Variants in NRAP observed in about 807,000 individuals in gnomAD.
NRAP encodes nebulin related anchoring protein.
NRAP carries 189 observed loss-of-function variants against 225.9 expected under a neutral mutation model. The ratio of observed to expected loss-of-function variants is 0.84; its 90% CI spans 0.74 to 0.94. NRAP has a LOEUF of 0.94. NRAP is among the 40% of genes least tolerant of loss of function. NRAP has a pLI of 0.00. For missense variants in NRAP, 2,176 were observed against 2,168.7 expected, an observed-to-expected ratio of 1.00 and a Z score of -0.07; for synonymous variants, 769 against 790.7, an observed-to-expected ratio of 0.97 and a Z score of 0.46.
chr10:113,635,263 T>C (rs1227732347), intron 14 of NRAP, among the ~76,000 whole-genome samples: 1 of 151,894 alleles, frequency 6.6e-6, no homozygotes, highest in African/African-American at 2.4e-5. Flanking sequence ...ACTTGGGCAG[T>C]GAAGTAAAGG....
intron 11 of NRAP, among the ~76,000 whole-genome samples, chr10:113,644,020 C>T (rs1195924620): frequency 3.3e-5 from 5 of 151,638 alleles, no homozygotes; most frequent in African/African-American, 7.3e-5. Flanking sequence ...TGGTGGTGGG[C>T]GCCTGTAATC....
rs772549279 is a variant in NRAP, at chr10:113,589,038, C to T, written c.5130G>A (p.Gly1710=). 1 of 1,614,058 alleles carries T rather than the reference C, an allele frequency of 6.2e-7. No homozygotes were observed. Among genetic ancestry groups the T allele is most frequent in the Admixed American group, 1.7e-5 (1 of 60,016 alleles). ...EAVEAGDHQS[G]EVNPDATEIL... ...TCTCAGTGGCATCTGGGTTCACCTC[C>T]CCACTCTGATGATCTCCAGCCTCCA... is the stretch of plus-strand genomic sequence containing the variant. Residue 1710 remains glycine, a synonymous_variant, in exon 42 of 42, where the codon GGG becomes GGA. Transcript: ENST00000359988.
chr10:113,632,004 A>C, intron 16 of NRAP, 40 bp from the exon 17 acceptor site: 1 of 1,237,606 alleles, frequency 8.1e-7, no homozygotes, highest in Non-Finnish European at 1.2e-6. Context: ...GTTGCTACCC[A>C]TATTCCTGCC....
intron 18 of NRAP, among the ~76,000 whole-genome samples, chr10:113,631,090 A>AT (rs1848548647): frequency 6.6e-6 from 1 of 152,310 alleles, no homozygotes; most frequent in East Asian, 1.9e-4. Flanking sequence ...TTTGAATACC[A>AT]TAAGTGTTGT....
intron 9 of NRAP, among the ~76,000 whole-genome samples, chr10:113,647,606 T>TCCCCCAGTGGTACTGC (rs1849625737): frequency 1.5e-5 from 1 of 67,628 alleles, no homozygotes; most frequent in African/African-American, 4.2e-5. Flanking sequence ...AGTGGTACTG[T>TCCCCCAGTGGTACTGC]CTCCCCCGGT....
intron 37 of NRAP, among the ~76,000 whole-genome samples, 177 bp from the exon 38 acceptor site, chr10:113,595,904 T>C (rs1323795826): frequency 1.3e-5 from 2 of 152,180 alleles, no homozygotes; most frequent in Non-Finnish European, 2.9e-5. Flanking sequence ...GAAGATGCCT[T>C]TATAGCCAGG....
chr10:113,650,022 C>A lies in NRAP; in HGVS notation c.888+15G>T. ...CATGGAAAAGAGCAGGTCAGGAGAT[C>A]ATTTTATCACATACCTGGCCATATT... On this transcript the variant is annotated intron_variant, in intron 9 of 41. Coordinates refer to ENST00000359988, the MANE Select transcript of NRAP (RefSeq NM_198060.4). 2.1e-6 allele frequency: 3 copies of A among 1,439,746 alleles called. No homozygotes were observed. Among genetic ancestry groups the A allele is most frequent in the Middle Eastern group, 3.5e-4 (2 of 5,682 alleles). The allele number at this position is 1,439,746 out of a possible 1,614,324, so 89.2% of individuals were successfully genotyped here. A position where few individuals can be genotyped will look rare whatever the true frequency, so the allele number is the denominator to read the frequency against.
In NRAP at chr10:113,597,161, G is replaced by C. The variant is rs769689103; in HGVS notation, c.4356C>G (p.Asp1452Glu). The C allele has an allele frequency of 6.2e-7, 1 of 1,612,310 alleles. No homozygotes were observed. Among genetic ancestry groups the C allele is most frequent in the African/African-American group, 1.3e-5 (1 of 74,888 alleles). The change falls in exon 37 of 42, where the codon GAC (aspartate) becomes GAG (glutamate). Residue 1452 changes from aspartate (D) to glutamate (E), a missense_variant. By Grantham distance (45) the Asp-to-Glu change is conservative. Around this residue, in one of 3 missense-constraint regions of NRAP, gnomAD observed 445 missense variants for 426.1 expected, o/e 1.04. Transcript: ENST00000359988. ...ISETKYRKKP[D>E]SIKFTTVVDS... is the part of the protein sequence containing the mutation. Reference sequence around the variant, plus strand: ...CAACCACTGTGGTGAACTTGATACTGTCTGGTTTTTTACGGTACTTGGTCT... The same window carrying C: ...CAACCACTGTGGTGAACTTGATACTCTCTGGTTTTTTACGGTACTTGGTCT...
At position 113,652,926 on chromosome 10, in the gene NRAP, GGC is replaced by G; in HGVS notation, c.570+7_570+8del. ...ATAATCAATGGTGAAAAAGCACCCA[GGC>G]ACTCACTTGGCTGGCCAGCTGGTTG... is the stretch of plus-strand genomic sequence containing the variant. On this transcript the variant is annotated splice_region_variant and intron_variant, in intron 6 of 41. Coordinates refer to ENST00000359988, the MANE Select transcript of NRAP (RefSeq NM_198060.4). The G allele has an allele frequency of 6.3e-7, 1 of 1,595,384 alleles. No homozygotes were observed. The highest frequency in any genetic ancestry group is 1.3e-5 in the African/African-American group (1 of 74,496).
chr10:113,657,746 T>C (rs1850395044), intron 3 of NRAP, among the ~76,000 whole-genome samples, 172 bp from the exon 4 acceptor site: 1 of 152,228 alleles, frequency 6.6e-6, no homozygotes, highest in Admixed American at 6.5e-5. Context: ...AATCTGCACC[T>C]CCAACCAGGT....
At chr10:113,639,091 CAAAAAAAAA>C (rs60509891) in intron 14 of NRAP, among the ~76,000 whole-genome samples, 2,693 of 115,792 alleles carry the variant, frequency 0.023, 100 homozygotes, top group African/African-American at 0.087. Context: ...ATGTATATAG[CAAAAAAAAA>C]AAAAAAAAAA....
chr10:113,603,920 C>G (rs1846764221), intron 35 of NRAP, among the ~76,000 whole-genome samples: 1 of 152,152 alleles, frequency 6.6e-6, no homozygotes, highest in Non-Finnish European at 1.5e-5. Flanking sequence ...ACTCACACCT[C>G]CTGCCCCACT....
chr10:113,651,195 G>A (rs1849943438), intron 7 of NRAP, among the ~76,000 whole-genome samples: 1 of 152,038 alleles, frequency 6.6e-6, no homozygotes, highest in South Asian at 2.1e-4. Flanking sequence ...CTTGACCTCA[G>A]GAATTTCTTC....
chr10:113,663,800 TG>T lies in NRAP; in HGVS notation c.72+10del. 2 of 1,603,206 alleles carry T rather than the reference TG, an allele frequency of 1.2e-6. No individual in the cohort carries two copies. The highest frequency in any genetic ancestry group is 1.7e-6 in the Non-Finnish European group (2 of 1,170,308). On this transcript the variant is annotated intron_variant, in intron 1 of 41. Coordinates refer to ENST00000359988, the MANE Select transcript of NRAP (RefSeq NM_198060.4). The stretch of plus-strand genomic sequence containing the variant: ...GTTATTATTCACAAAAGCCAAGAAA[TG>T]TCTACTGACCTGATCTATACAGCTG...
At chr10:113,641,300 A>T in intron 13 of NRAP, 65 bp downstream of exon 13, 1 of 943,136 alleles carries the variant, frequency 1.1e-6, no homozygotes, top group Non-Finnish European at 1.7e-6. Flanking sequence ...TTTAAAAAGA[A>T]TTGGCTGAAT....
Position 113,663,288 on chromosome 10 carries a change from G to A in NRAP, c.167+64C>T, listed in dbSNP as rs1592895289. The A allele has an allele frequency of 4.2e-6, 4 of 953,882 alleles. No individual in the cohort carries two copies. In the East Asian group the frequency reaches 7.2e-5, roughly 17 times the overall value. 59.1% of individuals were successfully genotyped at this position (953,882 alleles called of 1,614,324 possible). A position where few individuals can be genotyped will look rare whatever the true frequency, so the allele number is the denominator to read the frequency against. On this transcript the variant is annotated intron_variant, in intron 2 of 41. Coordinates refer to ENST00000359988, the MANE Select transcript of NRAP (RefSeq NM_198060.4). Reference sequence around the variant, plus strand: ...CTGGGTTATATGATTTGAACGTTTAGTTGGCTCCTTGTTGAAAAACAAATA... The same window carrying A: ...CTGGGTTATATGATTTGAACGTTTAATTGGCTCCTTGTTGAAAAACAAATA...
chr10:113,590,529 A>G (rs1256293688), intron 40 of NRAP, 49 bp downstream of exon 40: 1 of 1,559,174 alleles, frequency 6.4e-7, no homozygotes, highest in Non-Finnish European at 8.7e-7. Flanking sequence ...ATCTCTTAGG[A>G]AGAGGCACCA....
At position 113,631,888 on chromosome 10, in the gene NRAP, G is replaced by A. The variant is rs766172469; in HGVS notation, c.1709C>T (p.Ala570Val). Residue 570 changes from alanine to valine, a missense_variant, in exon 17 of 42, where the codon GCC becomes GTC. Ala to Val is a moderately conservative substitution (Grantham distance 64, BLOSUM62 0). Around this residue, in one of 3 missense-constraint regions of NRAP, gnomAD observed 1,708 missense variants for 1,695.5 expected, o/e 1.01. Transcript: ENST00000359988. The stretch of plus-strand genomic sequence containing the variant: ...AGCAAGCTCCCCAGAGGCTTTGGCG[G>A]CCAGCAGAGACATGGCATCCAGCTT... Reference protein sequence around the residue: ...EMKLDAMSLLAAKASGELASN... With the variant: ...EMKLDAMSLLVAKASGELASN... 2.5e-6 allele frequency: 4 copies of A among 1,613,126 alleles called. No individual in the cohort carries two copies. In the East Asian group the frequency reaches 8.9e-5, roughly 36 times the overall value.
At chr10:113,589,135 G>T (rs549719819) in intron 41 of NRAP, 56 bp from the exon 42 acceptor site, 2 of 1,440,082 alleles carry the variant, frequency 1.4e-6, no homozygotes, top group Admixed American at 1.7e-5. Context: ...CCCCACTCCC[G>T]GCCCCGGTTC....
Sources: allele counts gnomAD v4.1 joint callset (sites outside exome capture counted in the v4.1 genomes callset), GRCh38; gene constraint gnomAD v4.1.1; regional missense constraint gnomAD v4.1.1; transcripts MANE v1.5; gene names NCBI Gene and HGNC (gene_info 2026-07-23, HGNC 2026-07-21).